CFAP54: variants seen among roughly 807,000 people sequenced by gnomAD.
CFAP54 encodes the protein cilia- and flagella-associated protein 54.
In CFAP54, 290 loss-of-function variants were observed where a neutral mutation model predicts 370.4. The observed-to-expected ratio is 0.78, with a 90% CI of 0.71 to 0.86. The LOEUF (loss-of-function observed/expected upper bound fraction) is 0.86, where lower values mean the gene tolerates loss of function less well. CFAP54 is among the 40% of genes least tolerant of loss of function. The pLI is 0.00. For synonymous variants in CFAP54, 1,206 were observed against 1,236.5 expected, an observed-to-expected ratio of 0.98 and a Z score of 0.52; for missense variants, 3,399 against 3,528.7, an observed-to-expected ratio of 0.96 and a Z score of 0.93.
At chr12:96,495,412 A>G (rs949761642) in intron 1 of CFAP54, among the ~76,000 whole-genome samples, 1 of 151,396 alleles carries the variant, frequency 6.6e-6, no homozygotes, top group Non-Finnish European at 1.5e-5. Context: ...GGTGCAGTCA[A>G]TCAGACAATT....
At chr12:96,654,147 T>C (rs1362112768) in intron 36 of CFAP54, among the ~76,000 whole-genome samples, 1 of 152,194 alleles carries the variant, frequency 6.6e-6, no homozygotes. Context: ...CAATATTTCT[T>C]TGGAAAATTT....
At chr12:96,642,486 CTCTG>C (rs755344141) in intron 32 of CFAP54, among the ~76,000 whole-genome samples, 1 of 151,988 alleles carries the variant, frequency 6.6e-6, no homozygotes, top group East Asian at 1.9e-4. Context: ...CTATATAAAT[CTCTG>C]TATCTCTCTA....
intron 65 of CFAP54, among the ~76,000 whole-genome samples, chr12:96,823,836 G>A (rs1224967003): frequency 1.3e-5 from 2 of 152,176 alleles, no homozygotes; most frequent in Non-Finnish European, 2.9e-5. Flanking sequence ...GCAGCACCTC[G>A]CCTGGAAGGG....
intron 17 of CFAP54, among the ~76,000 whole-genome samples, chr12:96,557,415 A>G (rs986930047): frequency 2.0e-5 from 3 of 152,198 alleles, no homozygotes; most frequent in Non-Finnish European, 2.9e-5. Flanking sequence ...CTAAATTATG[A>G]CCCAGCAATG....
intron 65 of CFAP54, among the ~76,000 whole-genome samples, chr12:96,824,541 A>G (rs1382696458): frequency 6.6e-6 from 1 of 152,186 alleles, no homozygotes; most frequent in Non-Finnish European, 1.5e-5. Context: ...AATTGGAAAT[A>G]CAGATAAATA....
At chr12:96,764,290 A>T (rs1251993069) in intron 59 of CFAP54, 41 bp downstream of exon 59, 1 of 1,441,664 alleles carries the variant, frequency 6.9e-7, no homozygotes, top group Admixed American at 1.7e-5. Context: ...TTACTGTCAT[A>T]TCTGTATTCT....
At chr12:96,694,465 A>G (rs760910405) in intron 45 of CFAP54, among the ~76,000 whole-genome samples, 6 of 152,012 alleles carry the variant, frequency 3.9e-5, no homozygotes, top group Non-Finnish European at 7.4e-5. Context: ...CTAATATAGA[A>G]TTCAACTCTA....
At chr12:96,778,870 G>A (rs754787062) in intron 60 of CFAP54, among the ~76,000 whole-genome samples, 1 of 152,104 alleles carries the variant, frequency 6.6e-6, no homozygotes, top group Non-Finnish European at 1.5e-5. Flanking sequence ...CACATTGGGA[G>A]TCTGAGGTGG....
intron 4 of CFAP54, among the ~76,000 whole-genome samples, chr12:96,512,290 G>A (rs1435800729): frequency 8.5e-6 from 1 of 117,020 alleles, no homozygotes; most frequent in Admixed American, 9.8e-5. Context: ...AGGAAACCAT[G>A]GGAACCAATT....
rs1957052633 is a variant in CFAP54, at chr12:96,664,753, ATCTATATATATC to A, written c.5563+823_5563+834del. 1.7e-4 allele frequency among the ~76,000 whole-genome samples: 4 copies of A among 23,452 alleles called. 1 individual carries two copies. The highest frequency in any genetic ancestry group is 5.1e-4 in the African/African-American group (3 of 5,932). The allele number at this position is 23,452 out of a possible 152,430, so 15.4% of individuals were successfully genotyped here. On this transcript the variant is annotated intron_variant, in intron 39 of 67. Coordinates refer to ENST00000524981, the MANE Select transcript of CFAP54 (RefSeq NM_001306084.2). ...TATATATATATCTATATATATATAT[ATCTATATATATC>A]TATATCTATATCTATATATATATAT...
At chr12:96,861,792 T>C (rs1317702517) in intron 67 of CFAP54, among the ~76,000 whole-genome samples, 1 of 152,210 alleles carries the variant, frequency 6.6e-6, no homozygotes, top group African/African-American at 2.4e-5. Flanking sequence ...GATGTAATAA[T>C]AGAGTGCTGG....
chr12:96,663,097 T>C (rs1288880727), intron 38 of CFAP54, among the ~76,000 whole-genome samples: 2 of 152,158 alleles, frequency 1.3e-5, no homozygotes, highest in Non-Finnish European at 2.9e-5. Context: ...TTAAGGAAGC[T>C]GGAGAAATAG....
intron 50 of CFAP54, among the ~76,000 whole-genome samples, chr12:96,723,204 A>G (rs114363886): frequency 1.2e-3 from 182 of 152,336 alleles, no homozygotes; most frequent in African/African-American, 4.2e-3. Context: ...AGAATAATAC[A>G]AATTTAAAAG....
chr12:96,792,018 T>G lies in CFAP54; in HGVS notation c.8680-311T>G, dbSNP rs558498125. Reference sequence around the variant, plus strand: ...GCGCACGCCACCATGCCCGGCTAATTTTTGTATTTCTTTAGTAGAAGCGAG... The same window carrying G: ...GCGCACGCCACCATGCCCGGCTAATGTTTGTATTTCTTTAGTAGAAGCGAG... On this transcript the variant is annotated intron_variant, in intron 62 of 67. Transcript: ENST00000524981. 1.7e-3 allele frequency among the ~76,000 whole-genome samples: 255 copies of G among 152,088 alleles called. 1 individual carries two copies. The highest frequency in any genetic ancestry group is 5.9e-3 in the African/African-American group (246 of 41,496).
intron 17 of CFAP54, among the ~76,000 whole-genome samples, chr12:96,562,107 C>T (rs1317114715): frequency 6.6e-6 from 1 of 151,870 alleles, no homozygotes; most frequent in Non-Finnish European, 1.5e-5. Context: ...TTGATATCTC[C>T]AATTCTAACA....
chr12:96,671,251 C>T (rs777037715), intron 39 of CFAP54, among the ~76,000 whole-genome samples: 2 of 152,184 alleles, frequency 1.3e-5, no homozygotes, highest in Non-Finnish European at 2.9e-5. Flanking sequence ...GGATTACAGG[C>T]ATGAGCCACT....
intron 60 of CFAP54, among the ~76,000 whole-genome samples, chr12:96,778,834 G>A (rs1457218689): frequency 3.3e-5 from 5 of 152,104 alleles, no homozygotes; most frequent in African/African-American, 1.2e-4. Flanking sequence ...ATGGCCGGGC[G>A]TGATGGCTCA....
chr12:96,657,226 C>T (rs1956931280), intron 36 of CFAP54, among the ~76,000 whole-genome samples: 1 of 152,144 alleles, frequency 6.6e-6, no homozygotes, highest in Non-Finnish European at 1.5e-5. Context: ...CAGAGGTATA[C>T]ACAAATGTGT....
intron 34 of CFAP54, 88 bp downstream of exon 34, chr12:96,648,105 C>G: frequency 3.2e-6 from 3 of 924,850 alleles, no homozygotes; most frequent in Non-Finnish European, 4.4e-6. Context: ...TGTGGACACA[C>G]AAATGTATAC....
Sources: gnomAD v4.1 joint callset for allele counts (sites outside exome capture counted in the v4.1 genomes callset) on GRCh38, gnomAD v4.1.1 for gene constraint, MANE v1.5 for transcripts, NCBI Gene and HGNC (gene_info 2026-07-23, HGNC 2026-07-21) for gene names.